DHRSX: variants seen among roughly 807,000 people sequenced by gnomAD.
DHRSX encodes the protein polyprenol dehydrogenase.
Under a neutral mutation model 34.0 loss-of-function variants are expected in DHRSX, and 31 were observed. That is an observed-to-expected ratio of 0.91 (90% CI 0.69 to 1.23). The LOEUF is 1.23. Among genes scored for constraint, DHRSX ranks in the 50% most tolerant of loss-of-function variants. The pLI is 0.00. For missense variants in DHRSX, 414 were observed against 428.1 expected, an observed-to-expected ratio of 0.97 and a Z score of 0.29; for synonymous variants, 201 against 183.8, an observed-to-expected ratio of 1.09 and a Z score of -0.76.
At chrX:2,292,186 G>A (rs1483852196) in intron 3 of DHRSX, among the ~76,000 whole-genome samples, 5 of 152,172 alleles carry the variant, frequency 3.3e-5, no homozygotes, top group Non-Finnish European at 7.3e-5. Flanking sequence ...GATGTGAGCT[G>A]ATGTTTTGTG....
At chrX:2,411,723 T>A (rs1471525617) in intron 2 of DHRSX, among the ~76,000 whole-genome samples, 1 of 147,124 alleles carries the variant, frequency 6.8e-6, no homozygotes, top group Non-Finnish European at 1.5e-5. Context: ...CGAGACTCCA[T>A]CTCAAAAAGA....
chrX:2,467,627 A>G lies in DHRSX; in HGVS notation c.109+33190T>C, dbSNP rs751147324. 2.2e-5 allele frequency among the ~76,000 whole-genome samples: 3 copies of G among 135,012 alleles called. No individual in the cohort carries two copies. The East Asian group carries it at 6.5e-4, about 29-fold the overall frequency. The allele number at this position is 135,012 out of a possible 152,430, so 88.6% of individuals were successfully genotyped here. A position where few individuals can be genotyped will look rare whatever the true frequency, so the allele number is the denominator to read the frequency against. On this transcript the variant is annotated intron_variant, in intron 1 of 6. Coordinates refer to ENST00000334651, the MANE Select transcript of DHRSX (RefSeq NM_145177.3). ...AGAGGACATGGAAGGTGGAAGACTC[A>G]TGTGTCATAGGTGGAAACAGTTTAT... is the stretch of plus-strand genomic sequence containing the variant.
At chrX:2,266,995 G>C in intron 4 of DHRSX, 48 bp from the exon 5 acceptor site, 2 of 1,592,696 alleles carry the variant, frequency 1.3e-6, no homozygotes, top group Non-Finnish European at 1.7e-6. Flanking sequence ...GAAGACAGTG[G>C]AGAAATCTCA....
intron 5 of DHRSX, among the ~76,000 whole-genome samples, chrX:2,254,231 G>A (rs1234970491): frequency 6.6e-6 from 1 of 152,194 alleles, no homozygotes; most frequent in Non-Finnish European, 1.5e-5. Context: ...AGAGGTACTT[G>A]TGTAGAAGCA....
At chrX:2,341,954 G>A (rs895761053) in intron 3 of DHRSX, among the ~76,000 whole-genome samples, 2 of 151,976 alleles carry the variant, frequency 1.3e-5, no homozygotes, top group Non-Finnish European at 1.5e-5. Flanking sequence ...ACAGATGCCC[G>A]CTACCACTCC....
At position 2,327,159 on chromosome X, in the gene DHRSX, TGAC is replaced by T. The variant is rs1248869246; in HGVS notation, c.287-35559_287-35557del. ...TTCAACAACACTTTTCGTGCATGAG[TGAC>T]GCTGGCGGCCATGTACTCAGCCATT... On this transcript the variant is annotated intron_variant, in intron 3 of 6. Coordinates refer to ENST00000334651, the MANE Select transcript of DHRSX (RefSeq NM_145177.3). 1.5e-4 allele frequency among the ~76,000 whole-genome samples: 23 copies of T among 152,312 alleles called. No individual in the cohort carries two copies. In the South Asian group the frequency reaches 3.7e-3, roughly 25 times the overall value.
At chrX:2,237,967 T>C (rs1253380639) in intron 6 of DHRSX, among the ~76,000 whole-genome samples, 1 of 152,096 alleles carries the variant, frequency 6.6e-6, no homozygotes, top group Non-Finnish European at 1.5e-5. Context: ...AGAGCACACA[T>C]GCCCTCTGAA....
intron 1 of DHRSX, among the ~76,000 whole-genome samples, chrX:2,462,311 T>C (rs1223900909): frequency 1.3e-5 from 2 of 151,988 alleles, no homozygotes; most frequent in Non-Finnish European, 2.9e-5. Context: ...AAAAACAGTG[T>C]TGACGTTCAT....
intron 3 of DHRSX, among the ~76,000 whole-genome samples, chrX:2,407,519 A>G (rs147368117): frequency 3.2e-3 from 492 of 152,286 alleles, no homozygotes; most frequent in African/African-American, 0.011. Context: ...TAAGCAAACT[A>G]ACTTATCTAG....
rs903506106 is a variant in DHRSX, at chrX:2,438,608, C to T, written c.110-13304G>A. On this transcript the variant is annotated intron_variant, in intron 1 of 6. Coordinates refer to ENST00000334651, the MANE Select transcript of DHRSX (RefSeq NM_145177.3). ...GCTTGAACCCAGGAGGCGGACATTG[C>T]GGTGAGCCGAGATCACGCCACTGCA... Among the ~76,000 whole-genome samples, 4 of 149,940 alleles carry T rather than the reference C, an allele frequency of 2.7e-5. No individual in the cohort carries two copies. The Admixed American group carries it at 2.7e-4, about 10-fold the overall frequency.
chrX:2,254,954 C>A lies in DHRSX; in HGVS notation c.597-11724G>T, dbSNP rs931299194. Among the ~76,000 whole-genome samples the A allele has an allele frequency of 6.9e-5, 10 of 143,992 alleles. No individual in the cohort carries two copies. In the South Asian group the frequency reaches 1.3e-3, roughly 19 times the overall value. 94.5% of individuals were successfully genotyped at this position (143,992 alleles called of 152,430 possible). ...CACTGTGCCTGCCCCACGCCCCCCC[C>A]CTTTTTTTTCTTTTTTTTTTTTTGA... is the stretch of plus-strand genomic sequence containing the variant. On this transcript the variant is annotated intron_variant, in intron 5 of 6. Coordinates refer to ENST00000334651, the MANE Select transcript of DHRSX (RefSeq NM_145177.3).
At chrX:2,417,146 G>A (rs5982555) in intron 2 of DHRSX, among the ~76,000 whole-genome samples, 124,144 of 152,160 alleles carry the variant, frequency 0.82, 51,447 homozygotes, top group African/African-American at 0.95. Context: ...AGACACAGGT[G>A]GGGTGCAGAT....
At position 2,220,942 on chromosome X, in the gene DHRSX, T is replaced by G; in HGVS notation, c.*99A>C. ...TAGAGGACAGAGCCCTGTGGGCAGGTGGGTGTGAGAAACTCAAACACCGCA... is the reference window on the plus strand; with the variant it reads ...TAGAGGACAGAGCCCTGTGGGCAGGGGGGTGTGAGAAACTCAAACACCGCA... On this transcript the variant is annotated 3_prime_UTR_variant, in exon 7 of 7. Transcript: ENST00000334651. 8.6e-7 allele frequency: 1 copy of G among 1,160,200 alleles called. No homozygotes were observed. Among genetic ancestry groups the G allele is most frequent in the Admixed American group, 2.2e-5 (1 of 45,228 alleles). The allele number at this position is 1,160,200 out of a possible 1,614,324, so 71.9% of individuals were successfully genotyped here.
chrX:2,246,706 G>GAGAAAGAAAGAAAGAAAGGAA (rs2016296648), intron 5 of DHRSX, among the ~76,000 whole-genome samples: 1 of 107,406 alleles, frequency 9.3e-6, no homozygotes, highest in African/African-American at 3.4e-5. Context: ...AAGAAAGAAA[G>GAGAAAGAAAGAAAGAAAGGAA]AGAAAGAAAG....
rs186483762 is a variant in DHRSX at position 2,230,096 on chromosome X, T to C, written c.805-8867A>G. 5.2e-3 allele frequency among the ~76,000 whole-genome samples: 795 copies of C among 152,334 alleles called. 10 individuals carry two copies. Among genetic ancestry groups the C allele is most frequent in the African/African-American group, 0.016 (685 of 41,572 alleles). Reference sequence around the variant, plus strand: ...ACGTGTATATGTGCATGTGTGTCTATGCATGTGAAGGTGTGTGTGCATTTA... The same window carrying C: ...ACGTGTATATGTGCATGTGTGTCTACGCATGTGAAGGTGTGTGTGCATTTA... On this transcript the variant is annotated intron_variant, in intron 6 of 6. Coordinates refer to ENST00000334651, the MANE Select transcript of DHRSX (RefSeq NM_145177.3).
chrX:2,491,076 T>G (rs1263274477), intron 1 of DHRSX, among the ~76,000 whole-genome samples: 1 of 128,152 alleles, frequency 7.8e-6, no homozygotes, highest in Non-Finnish European at 1.7e-5. Flanking sequence ...GTTTTTTTTT[T>G]TTTTTTTTTT....
At chrX:2,401,511 C>T (rs1483024250) in intron 3 of DHRSX, among the ~76,000 whole-genome samples, 2 of 152,148 alleles carry the variant, frequency 1.3e-5, no homozygotes, top group African/African-American at 2.4e-5. Flanking sequence ...ATACACAGCA[C>T]GTGTCTAGTC....
At chrX:2,354,143 G>A (rs193016382) in intron 3 of DHRSX, among the ~76,000 whole-genome samples, 1 of 152,224 alleles carries the variant, frequency 6.6e-6, no homozygotes, top group African/African-American at 2.4e-5. Context: ...TCCCACCCTG[G>A]AATGGCTCCA....
At chrX:2,431,851 A>G (rs1270062092) in intron 1 of DHRSX, among the ~76,000 whole-genome samples, 1 of 152,114 alleles carries the variant, frequency 6.6e-6, no homozygotes, top group Non-Finnish European at 1.5e-5. Context: ...CCTCAACATC[A>G]CACAATATAC....
Sources: allele counts gnomAD v4.1 joint callset (sites outside exome capture counted in the v4.1 genomes callset), GRCh38; gene constraint gnomAD v4.1.1; transcripts MANE v1.5; gene names NCBI Gene and HGNC (gene_info 2026-07-23, HGNC 2026-07-21).